Variants in CDYL observed in about 807,000 individuals in gnomAD.
CDYL encodes chromodomain Y-like protein.
Under a neutral mutation model 47.3 loss-of-function variants are expected in CDYL, and 8 were observed. That is an observed-to-expected ratio of 0.17 (90% CI 0.10 to 0.31). CDYL has a LOEUF of 0.31. CDYL is among the 10% of genes least tolerant of loss of function. The probability of loss-of-function intolerance (pLI) is 1.00; values close to 1 mark genes in which losing one functional copy is unlikely to be tolerated. For synonymous variants in CDYL, 266 were observed against 265.0 expected (o/e 1.00, Z -0.04); for missense variants, 471 against 701.4 (o/e 0.67, Z 3.71).
At chr6:4,718,272 G>A (rs531524346) in intron 2 of CDYL, among the ~76,000 whole-genome samples, 1 of 152,044 alleles carries the variant, frequency 6.6e-6, no homozygotes, top group Non-Finnish European at 1.5e-5. Context: ...TGGTGGTGGT[G>A]GTGGTGGTTT....
chr6:4,807,469 G>T (rs933611938), intron 1 of CDYL, among the ~76,000 whole-genome samples: 10 of 152,018 alleles, frequency 6.6e-5, no homozygotes, highest in Admixed American at 5.9e-4. Flanking sequence ...CCATTGGCCT[G>T]CAGCAGTTCT....
chr6:4,843,526 A>G lies in CDYL; in HGVS notation c.25-48187A>G, dbSNP rs576527945. ...GGCTTTTTCTTTTTTTTTTTTTTTA[A>G]TTCTTTTTTTGTCTTTGTTGGATTG... On this transcript the variant is annotated intron_variant, in intron 1 of 6. Coordinates refer to ENST00000397588, the MANE Select transcript of CDYL (RefSeq NM_004824.4). Among the ~76,000 whole-genome samples the G allele has an allele frequency of 5.6e-4, 72 of 128,364 alleles. No individual in the cohort carries two copies. In the South Asian group the frequency reaches 0.016, roughly 28 times the overall value. The allele number at this position is 128,364 out of a possible 152,430, so 84.2% of individuals were successfully genotyped here. A position where few individuals can be genotyped will look rare whatever the true frequency, so the allele number is the denominator to read the frequency against.
intron 2 of CDYL, among the ~76,000 whole-genome samples, chr6:4,905,192 A>G (rs1757193199): frequency 6.6e-6 from 1 of 152,166 alleles, no homozygotes; most frequent in Admixed American, 6.5e-5. Flanking sequence ...GGATGCTGAC[A>G]CAAGTGAGTT....
At chr6:4,853,756 C>T (rs756939134) in intron 1 of CDYL, among the ~76,000 whole-genome samples, 5 of 152,238 alleles carry the variant, frequency 3.3e-5, no homozygotes, top group Admixed American at 1.3e-4. Context: ...AGCCCATCAC[C>T]GTTTGTGTGG....
chr6:4,832,405 C>T (rs1760173445), intron 1 of CDYL, among the ~76,000 whole-genome samples: 2 of 151,102 alleles, frequency 1.3e-5, no homozygotes, highest in South Asian at 4.1e-4. Context: ...TTGAACCAGT[C>T]TTGCATCCCA....
intron 1 of CDYL, chr6:4,714,159 C>T (rs554423976): frequency 5.3e-5 from 8 of 151,854 alleles, no homozygotes; most frequent in African/African-American, 1.7e-4. Context: ...ATCAAACCCA[C>T]GTGTGTTGGA....
chr6:4,719,916 T>C (rs1376241622), intron 2 of CDYL, among the ~76,000 whole-genome samples: 1 of 152,210 alleles, frequency 6.6e-6, no homozygotes. Flanking sequence ...TTGGACCAAA[T>C]TATCCCCACT....
intron 2 of CDYL, among the ~76,000 whole-genome samples, chr6:4,911,497 G>A (rs966874975): frequency 5.3e-5 from 8 of 152,120 alleles, no homozygotes; most frequent in African/African-American, 1.7e-4. Context: ...AAATGTGTCC[G>A]CACCACTTTC....
chr6:4,935,382 CTAAGTTTTAATATTCTTATATTCGTTT>C (rs1758158940), intron 2 of CDYL, 106 bp from the exon 3 acceptor site: 1 of 803,918 alleles, frequency 1.2e-6, no homozygotes, highest in East Asian at 2.6e-5. Context: ...TCTAAAGGTT[CTAAGTTTTAATATTCTTATATTCGTTT>C]AATCCTAAGT....
At chr6:4,821,725 G>C (rs1049165542) in intron 1 of CDYL, among the ~76,000 whole-genome samples, 1 of 150,924 alleles carries the variant, frequency 6.6e-6, no homozygotes, top group Non-Finnish European at 1.5e-5. Flanking sequence ...TCTAGAGCAA[G>C]ACTGTATCTC....
intron 2 of CDYL, among the ~76,000 whole-genome samples, chr6:4,717,848 TTTC>T (rs920316999): frequency 1.5e-4 from 23 of 151,928 alleles, no homozygotes; most frequent in Middle Eastern, 6.8e-3. Context: ...GATTTTTTTT[TTTC>T]TTTTTCCTTT....
intron 1 of CDYL, among the ~76,000 whole-genome samples, chr6:4,828,617 G>A (rs78299815): frequency 2.0e-5 from 3 of 150,668 alleles, no homozygotes; most frequent in Admixed American, 6.6e-5. Flanking sequence ...GAGCTTATTC[G>A]GCTTGGAATT....
At chr6:4,715,942 C>G in intron 2 of CDYL, 1 of 1,566,356 alleles carries the variant, frequency 6.4e-7, no homozygotes, top group Non-Finnish European at 8.7e-7. Context: ...TAGAGAGGCC[C>G]CTTTTATTTA....
intron 1 of CDYL, among the ~76,000 whole-genome samples, chr6:4,814,754 C>T (rs1759623437): frequency 6.6e-6 from 1 of 152,180 alleles, no homozygotes; most frequent in South Asian, 2.1e-4. Flanking sequence ...AACTCCTTGC[C>T]TCAAATGATC....
At chr6:4,872,451 G>A (rs1761503532) in intron 1 of CDYL, among the ~76,000 whole-genome samples, 1 of 151,564 alleles carries the variant, frequency 6.6e-6, no homozygotes, top group Non-Finnish European at 1.5e-5. Flanking sequence ...GTGCAGTCTC[G>A]GCTCACTGCA....
At chr6:4,844,808 T>C (rs1262811785) in intron 1 of CDYL, among the ~76,000 whole-genome samples, 1 of 152,236 alleles carries the variant, frequency 6.6e-6, no homozygotes, top group African/African-American at 2.4e-5. Context: ...GCTATTTTGT[T>C]GTTTTTTTAA....
chr6:4,747,361 G>A (rs1757917306), intron 3 of CDYL, among the ~76,000 whole-genome samples: 1 of 150,088 alleles, frequency 6.7e-6, no homozygotes, highest in Admixed American at 6.6e-5. Flanking sequence ...AAACATTTCT[G>A]AATTTTAATC....
At chr6:4,939,358 T>G (rs1758296118) in intron 4 of CDYL, among the ~76,000 whole-genome samples, 1 of 152,104 alleles carries the variant, frequency 6.6e-6, no homozygotes, top group African/African-American at 2.4e-5. Flanking sequence ...CCAAGATGGC[T>G]CTGATGGGCA....
chr6:4,713,019 C>T (rs1757179813), intron 1 of CDYL, among the ~76,000 whole-genome samples: 1 of 152,194 alleles, frequency 6.6e-6, no homozygotes, highest in Non-Finnish European at 1.5e-5. Flanking sequence ...GTGGTATGCA[C>T]CTGTAGATCC....
Sources: allele counts gnomAD v4.1 joint callset (sites outside exome capture counted in the v4.1 genomes callset), GRCh38; gene constraint gnomAD v4.1.1; transcripts MANE v1.5; gene names NCBI Gene and HGNC (gene_info 2026-07-23, HGNC 2026-07-21).